CARS1: variants seen among roughly 807,000 people sequenced by gnomAD.
The protein encoded by CARS1 is cysteinyl-tRNA synthetase 1.
CARS1 carries 48 observed loss-of-function variants against 106.2 expected under a neutral mutation model. The observed-to-expected ratio is 0.45, with a 90% CI of 0.36 to 0.57. CARS1 has a LOEUF of 0.57. Ranked by LOEUF, CARS1 falls within the 20% of genes least tolerant of loss-of-function variation. The pLI, the probability that CARS1 is intolerant of heterozygous loss-of-function variation, is 0.00. For missense variants in CARS1, 968 were observed against 1,057.2 expected (o/e 0.92, Z 1.17); for synonymous variants, 409 against 403.4 (o/e 1.01, Z -0.17).
At position 3,021,172 on chromosome 11, in the gene CARS1, T is replaced by C. The variant is rs1386698404; in HGVS notation, c.1154-840A>G. Among the ~76,000 whole-genome samples the C allele has an allele frequency of 6.6e-6, 1 of 152,134 alleles. No individual in the cohort carries two copies. The highest frequency in any genetic ancestry group is 1.5e-5 in the Non-Finnish European group (1 of 68,034). On this transcript the variant is annotated intron_variant, in intron 10 of 22. Transcript: ENST00000380525. The surrounding 1 kb of genome is among the most constrained non-coding windows in gnomAD (Gnocchi z 5.3). ...CATCACTGCAGATTTCTCTCAACAA[T>C]ACATGCAGGACCAATGGAAAAGATT... is the stretch of plus-strand genomic sequence containing the variant.
intron 7 of CARS1, among the ~76,000 whole-genome samples, chr11:3,032,350 C>A (rs112964607): frequency 0.063 from 9,584 of 152,002 alleles, 396 homozygotes; most frequent in Middle Eastern, 0.099. Context: ...GGAGTTCAGG[C>A]GTGAGCCACC....
Position 3,006,946 on chromosome 11 carries a change from C to T in CARS1, c.2082G>A (p.Leu694=), listed in dbSNP as rs2134092153. Residue 694 remains leucine (L), a synonymous_variant, in exon 19 of 23, where the codon CTG becomes CTA. Transcript: ENST00000380525. ...IAREQKVPEI[L]QLSDALRDNI... is the part of the protein sequence containing the mutation. ...TGTCCCGCAGGGCATCGCTGAGCTG[C>T]AGAATCTCAGGGACTGTAGGAGAAG... 1 of 1,614,008 alleles carries T rather than the reference C, an allele frequency of 6.2e-7. No homozygotes were observed. The highest frequency in any genetic ancestry group is 2.2e-5 in the East Asian group (1 of 44,888).
chr11:3,032,068 T>TTCCTTCCC (rs1852904930), intron 7 of CARS1, among the ~76,000 whole-genome samples: 3 of 72,622 alleles, frequency 4.1e-5, no homozygotes, highest in Non-Finnish European at 2.5e-5. Context: ...CCCTCCTTCC[T>TTCCTTCCC]TCCTTCCTTC....
At position 3,020,762 on chromosome 11, in the gene CARS1, A is replaced by G. The variant is rs960440861; in HGVS notation, c.1154-430T>C. Among the ~76,000 whole-genome samples, 1 of 152,196 alleles carries G rather than the reference A, an allele frequency of 6.6e-6. No homozygotes were observed. Among genetic ancestry groups the G allele is most frequent in the African/African-American group, 2.4e-5 (1 of 41,434 alleles). On this transcript the variant is annotated intron_variant, in intron 10 of 22. Coordinates refer to ENST00000380525, the MANE Select transcript of CARS1 (RefSeq NM_001014437.3). The surrounding 1 kb of genome is among the most constrained non-coding windows in gnomAD (Gnocchi z 4.6). ...TCATGCGGGTGGGGTCAATATGTCAAGGGCCCGCACAACTATCTGCTTATG... is the reference window on the plus strand; with the variant it reads ...TCATGCGGGTGGGGTCAATATGTCAGGGGCCCGCACAACTATCTGCTTATG...
chr11:3,039,154 C>CA lies in CARS1; in HGVS notation c.651+39dup. The CA allele has an allele frequency of 7.6e-7, 1 of 1,316,450 alleles. No individual in the cohort carries two copies. Among genetic ancestry groups the CA allele is most frequent in the Non-Finnish European group, 1.1e-6 (1 of 911,090 alleles). 81.5% of individuals were successfully genotyped at this position (1,316,450 alleles called of 1,614,324 possible). A position where few individuals can be genotyped will look rare whatever the true frequency, so the allele number is the denominator to read the frequency against. ...CCTACAAAGGACCGAGAACAGAAAG[C>CA]AAAGGGCTCGGTTTCTAGAGCAGAC... is the stretch of plus-strand genomic sequence containing the variant. On this transcript the variant is annotated intron_variant, in intron 6 of 22. Coordinates refer to ENST00000380525, the MANE Select transcript of CARS1 (RefSeq NM_001014437.3). The surrounding 1 kb of genome is among the most constrained non-coding windows in gnomAD (Gnocchi z 5.6).
chr11:3,001,810 T>C (rs1849425444), intron 22 of CARS1, 160 bp downstream of exon 22: 1 of 689,428 alleles, frequency 1.5e-6, no homozygotes, highest in East Asian at 2.5e-5. Context: ...AGCTCAGTAG[T>C]TGGGCCAGGA....
At chr11:3,015,656 G>A (rs774071174) in intron 17 of CARS1, 125 bp downstream of exon 17, 31 of 821,858 alleles carry the variant, frequency 3.8e-5, no homozygotes, top group Middle Eastern at 2.8e-4. Context: ...CATTTAGCTC[G>A]AGGCGCTGTC....
chr11:3,032,742 T>C (rs114035134), intron 7 of CARS1, among the ~76,000 whole-genome samples: 2 of 148,958 alleles, frequency 1.3e-5, no homozygotes, highest in East Asian at 3.9e-4. Context: ...CTGTCAGGAG[T>C]TGGGGTGGGG....
chr11:3,044,786 G>C lies in CARS1; in HGVS notation c.275-2530C>G, dbSNP rs796148403. Among the ~76,000 whole-genome samples, 3 of 152,270 alleles carry C rather than the reference G, an allele frequency of 2.0e-5. No homozygotes were observed. The highest frequency in any genetic ancestry group is 7.2e-5 in the African/African-American group (3 of 41,550). On this transcript the variant is annotated intron_variant, in intron 2 of 22. Transcript: ENST00000380525. This position sits in a 1 kb window ranked among gnomAD's most constrained non-coding sequence, Gnocchi z 4.4. Reference sequence around the variant, plus strand: ...AGTGATCCAACAACAGACCAACTATGAACCGCTCATGAGAGACATGGCTTT... The same window carrying C: ...AGTGATCCAACAACAGACCAACTATCAACCGCTCATGAGAGACATGGCTTT...
At chr11:3,005,578 A>C in intron 19 of CARS1, 145 bp from the exon 20 acceptor site, 3 of 585,806 alleles carry the variant, frequency 5.1e-6, no homozygotes, top group African/African-American at 1.9e-5. Flanking sequence ...ACAAACAAAA[A>C]CCTCCATAGC....
chr11:3,056,546 T>C (rs1856218577), intron 1 of CARS1, among the ~76,000 whole-genome samples: 1 of 152,178 alleles, frequency 6.6e-6, no homozygotes, highest in Non-Finnish European at 1.5e-5. Context: ...AATGGGGCAG[T>C]AATGCTCTGA....
At position 3,048,253 on chromosome 11, in the gene CARS1, A is replaced by C; in HGVS notation, c.26-252T>G. 2.2e-6 allele frequency: 1 copy of C among 459,894 alleles called. No homozygotes were observed. The allele number at this position is 459,894 out of a possible 1,614,324, so 28.5% of individuals were successfully genotyped here. ...AATGCTTTGGAACTAGACAGAAATG[A>C]AGGCTGCATGACAACATCATGCGCC... On this transcript the variant is annotated intron_variant, in intron 1 of 22. Coordinates refer to ENST00000380525, the MANE Select transcript of CARS1 (RefSeq NM_001014437.3). This position sits in a 1 kb window ranked among gnomAD's most constrained non-coding sequence, Gnocchi z 5.1.
In CARS1 at chr11:3,053,062, T is replaced by C. The variant is rs1855848422; in HGVS notation, c.25+4281A>G. 6.6e-6 allele frequency among the ~76,000 whole-genome samples: 1 copy of C among 152,158 alleles called. No homozygotes were observed. Among genetic ancestry groups the C allele is most frequent in the South Asian group, 2.1e-4 (1 of 4,824 alleles). On this transcript the variant is annotated intron_variant, in intron 1 of 22. Transcript: ENST00000380525. The surrounding 1 kb of genome is among the most constrained non-coding windows in gnomAD (Gnocchi z 6.6). Reference sequence around the variant, plus strand: ...AAAGGTGGAGTCTCTACAGAACATTTATTGAAATCACATGCAAGTACCAAG... The same window carrying C: ...AAAGGTGGAGTCTCTACAGAACATTCATTGAAATCACATGCAAGTACCAAG...
chr11:3,020,702 A>T lies in CARS1; in HGVS notation c.1154-370T>A, dbSNP rs1431689820. Among the ~76,000 whole-genome samples the T allele has an allele frequency of 6.6e-6, 1 of 152,196 alleles. No individual in the cohort carries two copies. Among genetic ancestry groups the T allele is most frequent in the African/African-American group, 2.4e-5 (1 of 41,444 alleles). ...AAGCTAGGAGGTGACATAGTGGTGC[A>T]GCCACTGGGGCATGGCTCAGGGATC... On this transcript the variant is annotated intron_variant, in intron 10 of 22. Coordinates refer to ENST00000380525, the MANE Select transcript of CARS1 (RefSeq NM_001014437.3). This position sits in a 1 kb window ranked among gnomAD's most constrained non-coding sequence, Gnocchi z 4.6.
intron 1 of CARS1, among the ~76,000 whole-genome samples, chr11:3,051,315 G>A (rs2134311863): frequency 6.6e-6 from 1 of 152,356 alleles, no homozygotes; most frequent in East Asian, 1.9e-4. Flanking sequence ...GGTGCCGGGA[G>A]CTCTTGAGGG....
rs1247605622 is a variant in CARS1, at chr11:3,019,082, A to G, written c.1395+57T>C. 6.7e-7 allele frequency: 1 copy of G among 1,486,788 alleles called. No individual in the cohort carries two copies. The highest frequency in any genetic ancestry group is 8.9e-7 in the Non-Finnish European group (1 of 1,117,730). The allele number at this position is 1,486,788 out of a possible 1,614,324, so 92.1% of individuals were successfully genotyped here. A position where few individuals can be genotyped will look rare whatever the true frequency, so the allele number is the denominator to read the frequency against. On this transcript the variant is annotated intron_variant, in intron 12 of 22. Coordinates refer to ENST00000380525, the MANE Select transcript of CARS1 (RefSeq NM_001014437.3). This position sits in a 1 kb window ranked among gnomAD's most constrained non-coding sequence, Gnocchi z 6.2. ...TGAGGCCTGGGCTGACTTTTCCTCC[A>G]CTGCAGTATGAACACTGTGCTCTTG...
Position 3,046,639 on chromosome 11 carries a change from CAT to C in CARS1, c.274+1112_274+1113del, listed in dbSNP as rs1303174630. ...CTGACCCACGGCAGAGGCGGGGGGG[CAT>C]GTTCCCAATCCCAGGCCCCAACGGA... On this transcript the variant is annotated intron_variant, in intron 2 of 22. Coordinates refer to ENST00000380525, the MANE Select transcript of CARS1 (RefSeq NM_001014437.3). This position sits in a 1 kb window ranked among gnomAD's most constrained non-coding sequence, Gnocchi z 5.8. Among the ~76,000 whole-genome samples the C allele has an allele frequency of 6.6e-6, 1 of 152,008 alleles. No homozygotes were observed. Among genetic ancestry groups the C allele is most frequent in the Non-Finnish European group, 1.5e-5 (1 of 67,924 alleles).
In CARS1 at chr11:3,028,624, C is replaced by G. The variant is rs1852365559; in HGVS notation, c.1031+372G>C. On this transcript the variant is annotated intron_variant, in intron 9 of 22. Coordinates refer to ENST00000380525, the MANE Select transcript of CARS1 (RefSeq NM_001014437.3). This position sits in a 1 kb window ranked among gnomAD's most constrained non-coding sequence, Gnocchi z 4.4. Reference sequence around the variant, plus strand: ...ATAGATGCTGATGAAATGCATCCTCCTTCGGGATATGACACCAGGACTAGC... The same window carrying G: ...ATAGATGCTGATGAAATGCATCCTCGTTCGGGATATGACACCAGGACTAGC... 3 of 301,656 alleles carry G rather than the reference C, an allele frequency of 9.9e-6. No homozygotes were observed. In the South Asian group the frequency reaches 3.1e-4, roughly 31 times the overall value. 18.7% of individuals were successfully genotyped at this position (301,656 alleles called of 1,614,324 possible).
chr11:3,053,223 A>T lies in CARS1; in HGVS notation c.25+4120T>A, dbSNP rs1855871888. ...CAGCATTTATTTTTTATTTATTTTT[A>T]TTTTATTTTATTTTATTTTATTTTT... On this transcript the variant is annotated intron_variant, in intron 1 of 22. Transcript: ENST00000380525. This position sits in a 1 kb window ranked among gnomAD's most constrained non-coding sequence, Gnocchi z 6.6. Among the ~76,000 whole-genome samples, 1 of 151,226 alleles carries T rather than the reference A, an allele frequency of 6.6e-6. No homozygotes were observed. Among genetic ancestry groups the T allele is most frequent in the Non-Finnish European group, 1.5e-5 (1 of 67,886 alleles).
Sources: allele counts gnomAD v4.1 joint callset (sites outside exome capture counted in the v4.1 genomes callset), GRCh38; gene constraint gnomAD v4.1.1; non-coding constraint Gnocchi (gnomAD v3.1); transcripts MANE v1.5; gene names NCBI Gene and HGNC (gene_info 2026-07-23, HGNC 2026-07-21).